ECPAS: variants seen among roughly 807,000 people sequenced by gnomAD.
ECPAS encodes proteasome adapter and scaffold protein ECM29.
A neutral mutation model predicts 255.1 loss-of-function variants in ECPAS; 70 were observed. That is an observed-to-expected ratio of 0.27 (90% CI 0.23 to 0.33). ECPAS has a LOEUF of 0.33. Among genes scored for constraint, ECPAS ranks in the 10% least tolerant of loss-of-function variants. ECPAS has a pLI of 1.00. For synonymous variants in ECPAS, 784 were observed against 775.0 expected, an observed-to-expected ratio of 1.01 and a Z score of -0.19; for missense variants, 1,817 against 2,206.4, an observed-to-expected ratio of 0.82 and a Z score of 3.54.
intron 6 of ECPAS, among the ~76,000 whole-genome samples, chr9:111,440,115 G>A (rs1400777263): frequency 6.6e-6 from 1 of 151,732 alleles, no homozygotes; most frequent in Non-Finnish European, 1.5e-5. Flanking sequence ...GTCCCACCTT[G>A]GCCTAACAGG....
intron 3 of ECPAS, among the ~76,000 whole-genome samples, chr9:111,450,615 T>A (rs1419279441): frequency 2.6e-5 from 4 of 152,160 alleles, no homozygotes; most frequent in Non-Finnish European, 5.9e-5. Context: ...ATGTTCCATG[T>A]AGAACAGTTT....
At chr9:111,387,518 T>C (rs1424568400) in intron 31 of ECPAS, among the ~76,000 whole-genome samples, 2 of 151,510 alleles carry the variant, frequency 1.3e-5, no homozygotes, top group Non-Finnish European at 2.9e-5. Context: ...GTGCAGTTAT[T>C]GAGGGACAGA....
At chr9:111,467,709 G>T (rs927236722) in intron 2 of ECPAS, among the ~76,000 whole-genome samples, 2 of 152,020 alleles carry the variant, frequency 1.3e-5, no homozygotes, top group Non-Finnish European at 2.9e-5. Context: ...TATAATAGAC[G>T]ATTTCAGAAA....
chr9:111,481,165 T>G (rs1554806652), intron 1 of ECPAS, among the ~76,000 whole-genome samples: 1 of 152,202 alleles, frequency 6.6e-6, no homozygotes, highest in Non-Finnish European at 1.5e-5. Context: ...CTGTGTATTG[T>G]TGGTGGTAAT....
At chr9:111,483,465 G>C in intron 1 of ECPAS, 4 of 971,016 alleles carry the variant, frequency 4.1e-6, no homozygotes, top group Non-Finnish European at 4.9e-6. Context: ...CGCGGCGCCC[G>C]TTCCGGCTCG....
At chr9:111,465,359 G>A (rs1328514189) in intron 2 of ECPAS, among the ~76,000 whole-genome samples, 1 of 152,038 alleles carries the variant, frequency 6.6e-6, no homozygotes, top group African/African-American at 2.4e-5. Context: ...GGCCAACATG[G>A]TGAAACCCTG....
Position 111,366,553 on chromosome 9 carries a change from C to T in ECPAS, c.5188G>A (p.Val1730Ile), listed in dbSNP as rs2098120551. The change falls in exon 47 of 50, where the codon GTC becomes ATC. Residue 1730 changes from valine (V) to isoleucine (I), a missense_variant. Transcript: ENST00000684092. ...KLSTWKVQLG[V>I]LQSMNAFFQG... is the part of the protein sequence containing the mutation. ...AAAAAGGCATTCATTGATTGCAGGA[C>T]TCCTAGCTGCACTTTCCACGTGCTG... The T allele has an allele frequency of 6.2e-7, 1 of 1,613,148 alleles. No individual in the cohort carries two copies. Among genetic ancestry groups the T allele is most frequent in the African/African-American group, 1.3e-5 (1 of 74,884 alleles).
At chr9:111,409,887 G>C (rs1035734542) in intron 23 of ECPAS, among the ~76,000 whole-genome samples, 154 bp downstream of exon 23, 1 of 152,122 alleles carries the variant, frequency 6.6e-6, no homozygotes, top group African/African-American at 2.4e-5. Context: ...TAGCTCAAAA[G>C]TAAACACTTA....
At chr9:111,380,606 G>A (rs921456711) in intron 35 of ECPAS, among the ~76,000 whole-genome samples, 13 of 152,192 alleles carry the variant, frequency 8.5e-5, no homozygotes, top group East Asian at 1.9e-4. Context: ...TTGCAGCCGG[G>A]CACTGACTTC....
chr9:111,455,931 C>T (rs1006818589), intron 2 of ECPAS, among the ~76,000 whole-genome samples: 12 of 152,306 alleles, frequency 7.9e-5, no homozygotes, highest in African/African-American at 2.9e-4. Flanking sequence ...CAAATATATG[C>T]TGAATCCTGT....
intron 35 of ECPAS, among the ~76,000 whole-genome samples, chr9:111,381,692 TC>T (rs2098140688): frequency 6.6e-6 from 1 of 152,210 alleles, no homozygotes; most frequent in South Asian, 2.1e-4. Flanking sequence ...ACTATGAATA[TC>T]TAAAAGCAAA....
chr9:111,411,046 G>T lies in ECPAS; in HGVS notation c.2311C>A (p.Leu771Met), dbSNP rs780131251. Residue 771 changes from leucine (L) to methionine (M), a missense_variant, in exon 22 of 50, where the codon CTG becomes ATG. Leu to Met is a conservative substitution (Grantham distance 15, BLOSUM62 2). Transcript: ENST00000684092. ...KKMRMSEQQD[L>M]ERNADTLPDQ... The stretch of plus-strand genomic sequence containing the variant: ...GGGAGGGTGTCAGCATTTCTCTCCA[G>T]GTCTTGTTGCTCTGACATTCTCATT... 9 of 1,613,678 alleles carry T rather than the reference G, an allele frequency of 5.6e-6. No individual in the cohort carries two copies. The highest frequency in any genetic ancestry group is 4.0e-5 in the African/African-American group (3 of 74,864).
intron 35 of ECPAS, among the ~76,000 whole-genome samples, chr9:111,380,056 G>A (rs2098138633): frequency 6.6e-6 from 1 of 152,172 alleles, no homozygotes; most frequent in African/African-American, 2.4e-5. Context: ...TTTCCAGAAG[G>A]TTTTCAATTT....
chr9:111,439,150 G>A (rs527303262), intron 6 of ECPAS, among the ~76,000 whole-genome samples: 5 of 152,318 alleles, frequency 3.3e-5, no homozygotes, highest in East Asian at 1.9e-4. Flanking sequence ...CCATATAGGC[G>A]GGTGTTTTGT....
Position 111,373,325 on chromosome 9 carries a change from T to C in ECPAS, c.4259A>G (p.His1420Arg), listed in dbSNP as rs1351056078. 4 of 1,613,794 alleles carry C rather than the reference T, an allele frequency of 2.5e-6. No homozygotes were observed. The Admixed American group carries it at 5.0e-5, about 20-fold the overall frequency. Residue 1420 changes from histidine (H) to arginine (R), a missense_variant, in exon 40 of 50, where the codon CAT becomes CGT. Around this residue, in one of 4 missense-constraint regions of ECPAS, gnomAD observed 960 missense variants for 1,179.0 expected, o/e 0.81. Coordinates refer to ENST00000684092, the MANE Select transcript of ECPAS (RefSeq NM_001364929.1). The part of the protein sequence containing the change: ...IQKSCAFAMG[H>R]LVRTSRDSST... The stretch of plus-strand genomic sequence containing the variant: ...AGAAATTTAACTCACCCGAACTAAA[T>C]GGCCCATAGCAAATGCACAAGATTT...
intron 24 of ECPAS, among the ~76,000 whole-genome samples, chr9:111,406,004 C>T (rs1360091948): frequency 1.3e-5 from 2 of 149,646 alleles, no homozygotes; most frequent in Non-Finnish European, 2.9e-5. Context: ...CCAGCAATCC[C>T]AGTATGTATC....
At chr9:111,376,599 C>T (rs975697099) in intron 36 of ECPAS, 58 bp from the exon 37 acceptor site, 4 of 1,280,836 alleles carry the variant, frequency 3.1e-6, no homozygotes, top group Non-Finnish European at 4.5e-6. Context: ...ATAATCCGCA[C>T]AAACACCCAT....
At chr9:111,423,312 A>G (rs911327998) in intron 12 of ECPAS, 64 bp from the exon 13 acceptor site, 1 of 1,122,836 alleles carries the variant, frequency 8.9e-7, no homozygotes. Context: ...CAAAAAATAC[A>G]GTAAACAGTA....
chr9:111,426,867 C>T (rs2098222426), intron 10 of ECPAS, among the ~76,000 whole-genome samples: 1 of 151,838 alleles, frequency 6.6e-6, no homozygotes, highest in South Asian at 2.1e-4. Flanking sequence ...ACTTGGGAGG[C>T]CTGGAGATGG....
Sources: allele counts gnomAD v4.1 joint callset (sites outside exome capture counted in the v4.1 genomes callset), GRCh38; gene constraint gnomAD v4.1.1; regional missense constraint gnomAD v4.1.1; transcripts MANE v1.5; gene names NCBI Gene and HGNC (gene_info 2026-07-23, HGNC 2026-07-21).